POMK: variants seen among roughly 807,000 people sequenced by gnomAD.
POMK encodes the protein Sugen kinase 196.
In POMK, 19 loss-of-function variants were observed where a neutral mutation model predicts 23.0. The ratio of observed to expected loss-of-function variants is 0.83; its 90% CI spans 0.58 to 1.21. The LOEUF is 1.21. Ranked by LOEUF, POMK falls within the 50% of genes most tolerant of loss-of-function variation. The pLI is 0.00. For synonymous variants in POMK, 173 were observed against 171.6 expected (o/e 1.01, Z -0.06); for missense variants, 410 against 431.3 (o/e 0.95, Z 0.44).
chr8:43,110,202 C>T (rs758256390), intron 4 of POMK, among the ~76,000 whole-genome samples: 5 of 152,176 alleles, frequency 3.3e-5, no homozygotes, highest in South Asian at 2.1e-4. Context: ...ACTGTTTCTT[C>T]AGTAGTCTCA....
At chr8:43,104,232 C>T (rs926716373) in intron 4 of POMK, among the ~76,000 whole-genome samples, 19 of 151,982 alleles carry the variant, frequency 1.3e-4, no homozygotes, top group Non-Finnish European at 1.8e-4. Context: ...AAGTGATTCT[C>T]GTGACTCAGC....
chr8:43,109,022 T>C (rs1232074484), intron 4 of POMK, among the ~76,000 whole-genome samples: 3 of 152,364 alleles, frequency 2.0e-5, no homozygotes, highest in South Asian at 4.1e-4. Context: ...TTAAGCACCA[T>C]TTTCTATTTG....
chr8:43,108,384 T>A (rs1295944474), intron 4 of POMK, among the ~76,000 whole-genome samples: 1 of 152,266 alleles, frequency 6.6e-6, no homozygotes, highest in East Asian at 1.9e-4. Context: ...AGATTCTTAT[T>A]GTATTTATGA....
intron 1 of POMK, among the ~76,000 whole-genome samples, chr8:43,094,753 T>G (rs148768949): frequency 1.3e-4 from 20 of 152,350 alleles, no homozygotes; most frequent in African/African-American, 4.8e-4. Context: ...CCTTTGCTTT[T>G]CTTTTCTTTT....
chr8:43,095,835 C>T (rs1374868902), intron 1 of POMK, among the ~76,000 whole-genome samples: 1 of 152,094 alleles, frequency 6.6e-6, no homozygotes. Flanking sequence ...CCACTAGTGG[C>T]AAGGAAGGAT....
At position 43,107,767 on chromosome 8, in the gene POMK, G is replaced by A. The variant is rs892137305; in HGVS notation, c.282+3937G>A. Among the ~76,000 whole-genome samples the A allele has an allele frequency of 4.0e-5, 6 of 151,742 alleles. No homozygotes were observed. The East Asian group carries it at 5.8e-4, about 15-fold the overall frequency. On this transcript the variant is annotated intron_variant, in intron 4 of 4. Coordinates refer to ENST00000331373, the MANE Select transcript of POMK (RefSeq NM_032237.5). ...GTGATTGTGGCTTACTGCAACCTCC[G>A]CCTCCCGGGTTCAAGCAATTCTTCT...
intron 4 of POMK, among the ~76,000 whole-genome samples, chr8:43,119,581 C>T (rs575673815): frequency 3.8e-4 from 58 of 151,712 alleles, no homozygotes; most frequent in Middle Eastern, 6.8e-3. Context: ...TGCAGGCGCG[C>T]GCCACCACGC....
In POMK at chr8:43,122,232, G is replaced by T; in HGVS notation, c.408G>T (p.Thr136=). ...CTCTCCAAGGCACACATGTTGTCACGCTGCTTGGCTATTGTGAGGATGACA... is the reference window on the plus strand; with the variant it reads ...CTCTCCAAGGCACACATGTTGTCACTCTGCTTGGCTATTGTGAGGATGACA... ...LKSLQGTHVV[T]LLGYCEDDNT... Residue 136 remains threonine (T), a synonymous_variant, in exon 5 of 5, where the codon ACG becomes ACT. Coordinates refer to ENST00000331373, the MANE Select transcript of POMK (RefSeq NM_032237.5). 6.2e-7 allele frequency: 1 copy of T among 1,614,154 alleles called. No homozygotes were observed.
intron 4 of POMK, among the ~76,000 whole-genome samples, chr8:43,114,181 T>C (rs1811744009): frequency 1.3e-5 from 2 of 152,238 alleles, no homozygotes; most frequent in African/African-American, 4.8e-5. Context: ...GTTACTGCTG[T>C]CTTTTCGTTT....
chr8:43,104,756 G>A lies in POMK; in HGVS notation c.282+926G>A, dbSNP rs535942963. Among the ~76,000 whole-genome samples, 54 of 152,144 alleles carry A rather than the reference G, an allele frequency of 3.5e-4. 1 individual carries two copies. The highest frequency in any genetic ancestry group is 1.2e-3 in the African/African-American group (48 of 41,506). ...GCACAGGAGTTCCAGACCAACCTGG[G>A]CAACATGGCAAAACCCAGTTTCTAC... On this transcript the variant is annotated intron_variant, in intron 4 of 4. Transcript: ENST00000331373.
At chr8:43,094,629 C>T (rs948963357) in intron 1 of POMK, among the ~76,000 whole-genome samples, 5 of 152,102 alleles carry the variant, frequency 3.3e-5, no homozygotes, top group Admixed American at 6.5e-5. Context: ...CTTAATGTAC[C>T]TTGTGCTTTA....
chr8:43,098,464 G>A (rs531867993), intron 2 of POMK, among the ~76,000 whole-genome samples: 11 of 152,274 alleles, frequency 7.2e-5, no homozygotes, highest in African/African-American at 2.6e-4. Flanking sequence ...ATTTTTTATG[G>A]CTGAATAATA....
rs777615691 is a variant in POMK, at chr8:43,122,791, A to G, written c.967A>G (p.Thr323Ala). Residue 323 changes from threonine to alanine, a missense_variant, in exon 5 of 5, where the codon ACT (threonine) becomes GCT (alanine). Coordinates refer to ENST00000331373, the MANE Select transcript of POMK (RefSeq NM_032237.5). ...GAGCCAGACTCCCTCAGAAAGACCC[A>G]CTGCCCAGGACGTTCTGGAGACCTA... Reference protein sequence around the residue: ...CKSQTPSERPTAQDVLETYQK... With the variant: ...CKSQTPSERPAAQDVLETYQK... The G allele has an allele frequency of 3.1e-6, 5 of 1,614,058 alleles. No individual in the cohort carries two copies. The highest frequency in any genetic ancestry group is 2.5e-6 in the Non-Finnish European group (3 of 1,180,042).
intron 1 of POMK, among the ~76,000 whole-genome samples, chr8:43,094,541 A>G (rs1811294298): frequency 6.6e-6 from 1 of 152,102 alleles, no homozygotes; most frequent in Admixed American, 6.6e-5. Context: ...TTGTTGCATA[A>G]TCTTGTCTTT....
At chr8:43,110,683 C>T (rs570961628) in intron 4 of POMK, among the ~76,000 whole-genome samples, 8 of 152,212 alleles carry the variant, frequency 5.3e-5, no homozygotes, top group Admixed American at 2.6e-4. Context: ...TTTGGGAGGC[C>T]GGGGCAGAAG....
chr8:43,109,957 T>C (rs1029876842), intron 4 of POMK, among the ~76,000 whole-genome samples: 1 of 152,272 alleles, frequency 6.6e-6, no homozygotes, highest in African/African-American at 2.4e-5. Flanking sequence ...TTCCAATTTA[T>C]GGAAAAACTG....
chr8:43,099,542 G>A (rs949158381), intron 2 of POMK, among the ~76,000 whole-genome samples: 7 of 152,206 alleles, frequency 4.6e-5, no homozygotes, highest in Admixed American at 6.5e-5. Flanking sequence ...TATATAAGGC[G>A]TTTAAGGAGG....
chr8:43,113,243 T>A lies in POMK; in HGVS notation c.283-8864T>A, dbSNP rs575199455. 2.8e-4 allele frequency among the ~76,000 whole-genome samples: 43 copies of A among 152,360 alleles called. 1 individual carries two copies. The South Asian group carries it at 8.9e-3, about 32-fold the overall frequency. Reference sequence around the variant, plus strand: ...TTCCATTCTCCCCATCACTTTCAGGTACACCAATCAGACGTAGATTTGGTC... The same window carrying A: ...TTCCATTCTCCCCATCACTTTCAGGAACACCAATCAGACGTAGATTTGGTC... On this transcript the variant is annotated intron_variant, in intron 4 of 4. Coordinates refer to ENST00000331373, the MANE Select transcript of POMK (RefSeq NM_032237.5).
intron 4 of POMK, among the ~76,000 whole-genome samples, chr8:43,120,772 G>T (rs954404466): frequency 6.6e-6 from 1 of 151,618 alleles, no homozygotes; most frequent in Non-Finnish European, 1.5e-5. Flanking sequence ...CTGCCTCCCG[G>T]GTTCAAGTGA....
Sources: allele counts gnomAD v4.1 joint callset (sites outside exome capture counted in the v4.1 genomes callset), GRCh38; gene constraint gnomAD v4.1.1; transcripts MANE v1.5; gene names NCBI Gene and HGNC (gene_info 2026-07-23, HGNC 2026-07-21).